NCAN: variants seen among roughly 807,000 people sequenced by gnomAD.
NCAN encodes neurocan.
A neutral mutation model predicts 121.8 loss-of-function variants in NCAN; 47 were observed. That is an observed-to-expected ratio of 0.39 (90% confidence interval 0.31 to 0.49). The LOEUF is 0.49. NCAN is among the 20% of genes least tolerant of loss of function. NCAN has a pLI of 0.92. For synonymous variants in NCAN, 633 were observed against 702.0 expected, an observed-to-expected ratio of 0.90 and a Z score of 1.55; for missense variants, 1,517 against 1,773.4, an observed-to-expected ratio of 0.86 and a Z score of 2.60.
At chr19:19,249,060 TGTGTGTG>T in intron 14 of NCAN, 178 bp downstream of exon 14, 1 of 611,864 alleles carries the variant, frequency 1.6e-6, no homozygotes, top group Non-Finnish European at 2.9e-6. Flanking sequence ...TGTGTGTGTG[TGTGTGTG>T]TGTGTGTGTG....
chr19:19,247,903 G>C (rs1006327471), intron 13 of NCAN, among the ~76,000 whole-genome samples: 2 of 152,034 alleles, frequency 1.3e-5, no homozygotes, highest in Non-Finnish European at 2.9e-5. Flanking sequence ...CGAGCTGAGG[G>C]GGGTGTCATT....
intron 1 of NCAN, among the ~76,000 whole-genome samples, chr19:19,215,446 T>C (rs1194034704): frequency 6.6e-6 from 1 of 152,196 alleles, no homozygotes; most frequent in Non-Finnish European, 1.5e-5. Context: ...CACTGCTGTG[T>C]CCCAACGACT....
intron 12 of NCAN, among the ~76,000 whole-genome samples, chr19:19,243,530 A>AG (rs1402335973): frequency 1.3e-5 from 2 of 151,106 alleles, no homozygotes; most frequent in African/African-American, 2.4e-5. Context: ...AAAAAAAAAA[A>AG]AAAAGAAAAA....
chr19:19,219,028 C>A lies in NCAN; in HGVS notation c.187C>A (p.Leu63Met). The A allele has an allele frequency of 6.2e-7, 1 of 1,611,296 alleles. No homozygotes were observed. The highest frequency in any genetic ancestry group is 8.5e-7 in the Non-Finnish European group (1 of 1,178,468). Reference protein sequence around the residue: ...ELVALPCLFTLQPRPSAARDA... With the variant: ...ELVALPCLFTMQPRPSAARDA... ...GGTGGCCCTGCCCTGTCTCTTTACC[C>A]TGCAGCCACGGCCAAGCGCAGCCCG... The change falls in exon 3 of 15, where the codon CTG (leucine) becomes ATG (methionine). Residue 63 changes from leucine to methionine, a missense_variant. Physicochemically the swap from Leu to Met is conservative, Grantham distance 15 (BLOSUM62 2). Coordinates refer to ENST00000252575, the MANE Select transcript of NCAN (RefSeq NM_004386.3).
intron 3 of NCAN, 130 bp from the exon 4 acceptor site, chr19:19,223,891 C>CCACA (rs2060825434): frequency 1.1e-6 from 1 of 903,518 alleles, no homozygotes; most frequent in African/African-American, 1.7e-5. Flanking sequence ...CACCCTCGAC[C>CCACA]CACACTGTGC....
At chr19:19,230,814 G>T (rs1282338266) in intron 8 of NCAN, among the ~76,000 whole-genome samples, 1 of 148,472 alleles carries the variant, frequency 6.7e-6, no homozygotes, top group East Asian at 2.0e-4. Context: ...CTGCACCGAG[G>T]CTCAAGTGAT....
chr19:19,229,300 G>T (rs1005019690), intron 8 of NCAN, among the ~76,000 whole-genome samples: 1 of 152,220 alleles, frequency 6.6e-6, no homozygotes, highest in Admixed American at 6.5e-5. Flanking sequence ...GTCTACATCT[G>T]CTTTGAGCTG....
intron 2 of NCAN, 90 bp downstream of exon 2, chr19:19,217,116 T>C (rs2060798845): frequency 1.1e-6 from 1 of 913,268 alleles, no homozygotes; most frequent in East Asian, 3.0e-5. Context: ...CTCCTGCTGG[T>C]CTCCTGGCAT....
At chr19:19,233,947 A>C (rs1599817728) in intron 9 of NCAN, 42 bp downstream of exon 9, 1 of 1,320,270 alleles carries the variant, frequency 7.6e-7, no homozygotes, top group Non-Finnish European at 1.1e-6. Flanking sequence ...AATTTGTTTG[A>C]CTCCAGAGCC....
intron 2 of NCAN, 135 bp downstream of exon 2, chr19:19,217,161 G>T: frequency 1.6e-6 from 1 of 608,592 alleles, no homozygotes; most frequent in African/African-American, 1.9e-5. Flanking sequence ...GATTTTAAAA[G>T]GTCTTTGAAC....
intron 8 of NCAN, among the ~76,000 whole-genome samples, chr19:19,230,130 C>T (rs976364535): frequency 2.7e-5 from 4 of 149,608 alleles, no homozygotes; most frequent in African/African-American, 7.4e-5. Context: ...CTGCAACCTC[C>T]GCCTCCCAGG....
Position 19,249,801 on chromosome 19 carries a change from C to G in NCAN, c.3856C>G (p.His1286Asp), listed in dbSNP as rs1458179203. ...ACATCGGATGCGGCGACACCACCAC[C>G]ACCACCAACACCACCACCAGCATCA... Reference protein sequence around the residue: ...RSHRMRRHHHHHQHHHQHHHH... With the variant: ...RSHRMRRHHHDHQHHHQHHHH... The change falls in exon 15 of 15, where the codon CAC (histidine) becomes GAC (aspartate). Residue 1286 changes from histidine to aspartate, a missense_variant. His to Asp is a moderately conservative substitution (Grantham distance 81). Coordinates refer to ENST00000252575, the MANE Select transcript of NCAN (RefSeq NM_004386.3). 18 of 1,611,446 alleles carry G rather than the reference C, an allele frequency of 1.1e-5. No homozygotes were observed. The highest frequency in any genetic ancestry group is 1.7e-5 in the Admixed American group (1 of 59,300).
chr19:19,218,865 C>T, intron 2 of NCAN, 50 bp from the exon 3 acceptor site: 1 of 1,443,260 alleles, frequency 6.9e-7, no homozygotes, highest in Non-Finnish European at 9.1e-7. Context: ...GCAGTCCCTG[C>T]TTGGTTCTTG....
intron 8 of NCAN, among the ~76,000 whole-genome samples, chr19:19,229,969 G>C (rs1371545347): frequency 6.6e-6 from 1 of 152,102 alleles, no homozygotes; most frequent in Non-Finnish European, 1.5e-5. Flanking sequence ...TCCACCGCGA[G>C]ACCCTGCATG....
At chr19:19,230,042 CT>C (rs952531919) in intron 8 of NCAN, among the ~76,000 whole-genome samples, 4 of 151,420 alleles carry the variant, frequency 2.6e-5, no homozygotes, top group African/African-American at 9.7e-5. Context: ...GAGTTGCACA[CT>C]TTTTTTTTGT....
chr19:19,245,066 C>T (rs1199504131), intron 12 of NCAN, among the ~76,000 whole-genome samples: 1 of 152,086 alleles, frequency 6.6e-6, no homozygotes, highest in South Asian at 2.1e-4. Flanking sequence ...TGGGTGCGGC[C>T]GGGCACCCAG....
chr19:19,225,358 G>C lies in NCAN; in HGVS notation c.1072+88G>C. 2.2e-6 allele frequency: 3 copies of C among 1,390,002 alleles called. No individual in the cohort carries two copies. Among genetic ancestry groups the C allele is most frequent in the Non-Finnish European group, 2.8e-6 (3 of 1,072,322 alleles). The allele number at this position is 1,390,002 out of a possible 1,614,324, so 86.1% of individuals were successfully genotyped here. On this transcript the variant is annotated intron_variant, in intron 6 of 14. Transcript: ENST00000252575. The surrounding 1 kb of genome is among the most constrained non-coding windows in gnomAD (Gnocchi z 4.0). ...GAAAGCCTCGCCAAGCCAAGGGAGA[G>C]ACACATGGAAGCTCGCTTTGTGATA...
At chr19:19,245,064 G>T (rs1342400773) in intron 12 of NCAN, among the ~76,000 whole-genome samples, 1 of 152,140 alleles carries the variant, frequency 6.6e-6, no homozygotes, top group Admixed American at 6.6e-5. Context: ...ACTGGGTGCG[G>T]CCGGGCACCC....
intron 11 of NCAN, among the ~76,000 whole-genome samples, chr19:19,239,961 A>C (rs1222523957): frequency 4.8e-4 from 37 of 77,270 alleles, no homozygotes; most frequent in Admixed American, 7.7e-4. Context: ...CCTTCCACTC[A>C]TCTTCCTCCT....
Sources: allele counts gnomAD v4.1 joint callset (sites outside exome capture counted in the v4.1 genomes callset), GRCh38; gene constraint gnomAD v4.1.1; non-coding constraint Gnocchi (gnomAD v3.1); transcripts MANE v1.5; gene names NCBI Gene and HGNC (gene_info 2026-07-23, HGNC 2026-07-21).